The following DNAAF9 variants were observed in gnomAD, a reference collection of about 807,000 sequenced individuals.
DNAAF9 encodes shulin.
DNAAF9 carries 90 observed loss-of-function variants against 167.0 expected under a neutral mutation model. The observed-to-expected ratio is 0.54, with a 90% CI of 0.45 to 0.64. The LOEUF is 0.64. Ranked by LOEUF, DNAAF9 falls within the 30% of genes least tolerant of loss-of-function variation. DNAAF9 has a pLI of 0.00. For synonymous variants in DNAAF9, 491 were observed against 508.8 expected (o/e 0.96, Z 0.47); for missense variants, 1,315 against 1,442.2 (o/e 0.91, Z 1.43).
chr20:3,393,021 T>G (rs973900430), intron 1 of DNAAF9, among the ~76,000 whole-genome samples: 1 of 152,202 alleles, frequency 6.6e-6, no homozygotes, highest in African/African-American at 2.4e-5. Flanking sequence ...CAATAAAATA[T>G]GTCACTGCTC....
intron 1 of DNAAF9, among the ~76,000 whole-genome samples, chr20:3,395,135 T>A (rs1452923558): frequency 6.9e-6 from 1 of 144,126 alleles, no homozygotes; most frequent in African/African-American, 2.7e-5. Context: ...GCCCGGCTAA[T>A]TTTTTTTTTG....
At chr20:3,268,578 T>C (rs1186305443) in intron 30 of DNAAF9, among the ~76,000 whole-genome samples, 1 of 152,082 alleles carries the variant, frequency 6.6e-6, no homozygotes, top group Non-Finnish European at 1.5e-5. Context: ...CTGCCTGCCT[T>C]GGCCTCCCAA....
intron 7 of DNAAF9, among the ~76,000 whole-genome samples, chr20:3,349,200 A>C (rs1377842295): frequency 1.4e-5 from 2 of 143,102 alleles, no homozygotes; most frequent in Non-Finnish European, 3.0e-5. Context: ...ACCAAAAAAA[A>C]AAACAAAAAA....
chr20:3,277,920 G>A (rs1262349671), intron 29 of DNAAF9, among the ~76,000 whole-genome samples: 4 of 152,118 alleles, frequency 2.6e-5, no homozygotes, highest in Admixed American at 1.3e-4. Context: ...CGCTCCCTGC[G>A]GACTGGCAAT....
At chr20:3,329,687 G>C (rs1214272480) in intron 12 of DNAAF9, among the ~76,000 whole-genome samples, 1 of 152,178 alleles carries the variant, frequency 6.6e-6, no homozygotes, top group Non-Finnish European at 1.5e-5. Context: ...ATCCTTTGTA[G>C]CCTCTCACTG....
chr20:3,389,709 A>C (rs994987271), intron 1 of DNAAF9, among the ~76,000 whole-genome samples: 3 of 151,922 alleles, frequency 2.0e-5, no homozygotes, highest in South Asian at 2.1e-4. Context: ...AATAACAACA[A>C]AATGCAATCT....
chr20:3,344,369 CT>C (rs1004119684), intron 8 of DNAAF9, among the ~76,000 whole-genome samples: 4 of 152,060 alleles, frequency 2.6e-5, no homozygotes, highest in African/African-American at 9.7e-5. Context: ...ATAATATTTA[CT>C]GTTTTTTTTC....
chr20:3,278,463 G>A (rs1031316569), intron 29 of DNAAF9, among the ~76,000 whole-genome samples: 6 of 152,180 alleles, frequency 3.9e-5, no homozygotes, highest in African/African-American at 1.4e-4. Context: ...GCTCATGCCT[G>A]TAATCCCAGC....
intron 29 of DNAAF9, among the ~76,000 whole-genome samples, chr20:3,278,294 G>A (rs1319453419): frequency 6.6e-6 from 1 of 152,140 alleles, no homozygotes; most frequent in Non-Finnish European, 1.5e-5. Flanking sequence ...CACTCTTGGG[G>A]CAGAAGTGAA....
chr20:3,254,520 T>C (rs1278529179), intron 35 of DNAAF9, among the ~76,000 whole-genome samples: 1 of 152,186 alleles, frequency 6.6e-6, no homozygotes, highest in Non-Finnish European at 1.5e-5. Flanking sequence ...GGAACATGCA[T>C]TATAAGGACT....
At chr20:3,284,521 C>T (rs1252606055) in intron 27 of DNAAF9, among the ~76,000 whole-genome samples, 1 of 151,804 alleles carries the variant, frequency 6.6e-6, no homozygotes, top group Non-Finnish European at 1.5e-5. Flanking sequence ...ACTGACCCAA[C>T]TGTATGACGA....
intron 28 of DNAAF9, among the ~76,000 whole-genome samples, chr20:3,279,848 TC>T (rs1430697304): frequency 6.6e-6 from 1 of 152,194 alleles, no homozygotes; most frequent in Non-Finnish European, 1.5e-5. Flanking sequence ...TGTGTTTTCT[TC>T]CCTGGCAATT....
chr20:3,299,990 C>T (rs2069155038), intron 21 of DNAAF9, among the ~76,000 whole-genome samples: 1 of 152,092 alleles, frequency 6.6e-6, no homozygotes. Flanking sequence ...GCAACCTCTG[C>T]CTCCCAGGTT....
At chr20:3,389,188 CAA>C (rs2083791156) in intron 1 of DNAAF9, among the ~76,000 whole-genome samples, 1 of 152,048 alleles carries the variant, frequency 6.6e-6, no homozygotes, top group Non-Finnish European at 1.5e-5. Flanking sequence ...CTCTGTTGCT[CAA>C]GCTGGAGTGC....
chr20:3,362,702 A>C (rs765500230), intron 6 of DNAAF9, among the ~76,000 whole-genome samples: 3 of 152,134 alleles, frequency 2.0e-5, no homozygotes, highest in Non-Finnish European at 4.4e-5. Context: ...AAACATTGTC[A>C]AATGTCTAGG....
rs576806889 is a variant in DNAAF9 at position 3,347,705 on chromosome 20, T to C, written c.789+820A>G. On this transcript the variant is annotated intron_variant, in intron 8 of 36. Transcript: ENST00000252032. ...CACTTTGGGGGGCTGAGGCGGGCGA[T>C]TGAGATCAGGAGTTCGAGACCAGCC... 7.8e-4 allele frequency among the ~76,000 whole-genome samples: 119 copies of C among 152,170 alleles called. 1 individual carries two copies. Among genetic ancestry groups the C allele is most frequent in the Non-Finnish European group, 1.4e-3 (97 of 67,984 alleles).
chr20:3,316,811 ACATGCCAGTTAATTCCCTAC>A lies in DNAAF9; in HGVS notation c.1469-38_1469-19del. The stretch of plus-strand genomic sequence containing the variant: ...AGTGCCATCTGCAGGAACACCACAC[ACATGCCAGTTAATTCCCTAC>A]CAGCTCAGCCTGCCTTGCAGGCCCC... On this transcript the variant is annotated intron_variant, in intron 17 of 36. Transcript: ENST00000252032. 6.3e-7 allele frequency: 1 copy of A among 1,598,824 alleles called. No individual in the cohort carries two copies. Among genetic ancestry groups the A allele is most frequent in the Non-Finnish European group, 8.6e-7 (1 of 1,168,404 alleles).
At chr20:3,326,035 G>A (rs930457115) in intron 13 of DNAAF9, among the ~76,000 whole-genome samples, 162 bp downstream of exon 13, 1 of 152,220 alleles carries the variant, frequency 6.6e-6, no homozygotes, top group Non-Finnish European at 1.5e-5. Context: ...GTCACAGGCA[G>A]CAGAAGCTCA....
chr20:3,254,623 G>A (rs1568558415), intron 35 of DNAAF9, among the ~76,000 whole-genome samples: 1 of 152,184 alleles, frequency 6.6e-6, no homozygotes. Flanking sequence ...ATCCAAAGCA[G>A]GGGCTCCTGG....
Sources: gnomAD v4.1 joint callset for allele counts (sites outside exome capture counted in the v4.1 genomes callset) on GRCh38, gnomAD v4.1.1 for gene constraint, MANE v1.5 for transcripts, NCBI Gene and HGNC (gene_info 2026-07-23, HGNC 2026-07-21) for gene names.